DNAH17: variants seen among roughly 807,000 people sequenced by gnomAD.
DNAH17 encodes the protein axonemal beta dynein heavy chain 17.
A neutral mutation model predicts 485.6 loss-of-function variants in DNAH17; 376 were observed. The observed-to-expected ratio is 0.77, with a 90% confidence interval of 0.71 to 0.84. The LOEUF is 0.84. Ranked by LOEUF, DNAH17 falls within the 40% of genes least tolerant of loss-of-function variation. The probability of loss-of-function intolerance (pLI) is 0.00; values close to 1 mark genes in which losing one functional copy is unlikely to be tolerated. For missense variants in DNAH17, 6,370 were observed against 5,839.3 expected, an observed-to-expected ratio of 1.09 and a Z score of -2.96; for synonymous variants, 3,031 against 2,405.9, an observed-to-expected ratio of 1.26 and a Z score of -7.60.
chr17:78,518,375 T>C (rs2090844421), intron 25 of DNAH17, among the ~76,000 whole-genome samples: 3 of 152,038 alleles, frequency 2.0e-5, no homozygotes, highest in Admixed American at 2.0e-4. Context: ...AAGCCAACCT[T>C]AGAGCAAAGA....
At chr17:78,451,329 T>C in intron 66 of DNAH17, 140 bp downstream of exon 66, 1 of 697,290 alleles carries the variant, frequency 1.4e-6, no homozygotes, top group Non-Finnish European at 2.4e-6. Context: ...TGTGATGCCG[T>C]GGGACACACT....
chr17:78,431,493 C>T (rs1483832643), intron 75 of DNAH17, among the ~76,000 whole-genome samples: 1 of 151,198 alleles, frequency 6.6e-6, no homozygotes, highest in Non-Finnish European at 1.5e-5. Context: ...TCTCAGGCCC[C>T]TCCCTGGGAG....
chr17:78,437,143 G>A (rs1014987391), intron 74 of DNAH17, among the ~76,000 whole-genome samples: 1 of 152,180 alleles, frequency 6.6e-6, no homozygotes, highest in Non-Finnish European at 1.5e-5. Flanking sequence ...GTGGGTCAGA[G>A]GGGGGCTGAA....
At chr17:78,478,301 TCAC>T (rs1046750661) in intron 51 of DNAH17, among the ~76,000 whole-genome samples, 31 of 108,644 alleles carry the variant, frequency 2.9e-4, no homozygotes, top group South Asian at 1.9e-3. Flanking sequence ...TCCACCACCA[TCAC>T]CACAATCACA....
intron 22 of DNAH17, 37 bp from the exon 23 acceptor site, chr17:78,527,033 A>G (rs2091097439): frequency 6.7e-7 from 1 of 1,484,752 alleles, no homozygotes; most frequent in Non-Finnish European, 9.1e-7. Flanking sequence ...CTCCTTTCTC[A>G]TTTCTTTTCT....
At position 78,501,188 on chromosome 17, in the gene DNAH17, C is replaced by G; in HGVS notation, c.5479G>C (p.Asp1827His). ...TTACTCAGGGACGGGCCTCACCTGT[C>G]AGTGAGTGGGGTGATGACCAGCCGC... ...TPRLVITPLT[D>H]RCYITLTQSL... The change falls in exon 35 of 81, where the codon GAC (aspartate) becomes CAC (histidine). Residue 1827 changes from aspartate (D) to histidine (H), a missense_variant. Transcript: ENST00000389840. 6.3e-7 allele frequency: 1 copy of G among 1,577,458 alleles called. No homozygotes were observed. The highest frequency in any genetic ancestry group is 8.7e-7 in the Non-Finnish European group (1 of 1,153,456).
At chr17:78,528,143 T>G (rs2091127509) in intron 22 of DNAH17, among the ~76,000 whole-genome samples, 1 of 152,180 alleles carries the variant, frequency 6.6e-6, no homozygotes, top group South Asian at 2.1e-4. Context: ...TGGAGACTTC[T>G]CTAGTTCTTC....
At chr17:78,465,290 C>T (rs1264230420) in intron 56 of DNAH17, among the ~76,000 whole-genome samples, 5 of 151,452 alleles carry the variant, frequency 3.3e-5, no homozygotes, top group South Asian at 2.1e-4. Context: ...CAACCTCCAC[C>T]TCCCAGCTGC....
chr17:78,464,020 G>T (rs900110776), intron 56 of DNAH17, among the ~76,000 whole-genome samples: 4 of 152,160 alleles, frequency 2.6e-5, no homozygotes, highest in Admixed American at 2.0e-4. Flanking sequence ...TGCTCTAATG[G>T]CAAGTAGGCT....
intron 26 of DNAH17, 72 bp downstream of exon 26, chr17:78,514,702 T>A: frequency 5.8e-6 from 9 of 1,548,908 alleles, no homozygotes; most frequent in Non-Finnish European, 7.0e-6. Context: ...GCTAGGCAGC[T>A]CAGGCCAGCC....
intron 69 of DNAH17, among the ~76,000 whole-genome samples, chr17:78,446,131 G>A (rs1020591235): frequency 8.1e-6 from 1 of 123,838 alleles, no homozygotes; most frequent in South Asian, 2.7e-4. Context: ...CCGAGATTAC[G>A]CCACTGCGCT....
intron 56 of DNAH17, among the ~76,000 whole-genome samples, chr17:78,463,282 C>T (rs910175438): frequency 5.9e-5 from 9 of 152,190 alleles, no homozygotes; most frequent in South Asian, 2.1e-4. Flanking sequence ...TTTAGCTCAG[C>T]GCACAGGACA....
intron 13 of DNAH17, among the ~76,000 whole-genome samples, chr17:78,560,007 T>A (rs979633947): frequency 1.3e-5 from 2 of 152,150 alleles, no homozygotes; most frequent in Non-Finnish European, 2.9e-5. Flanking sequence ...TCTATTGATC[T>A]TCTTAACCTG....
chr17:78,454,338 A>G (rs1395201241), intron 64 of DNAH17, 132 bp downstream of exon 64: 2 of 673,778 alleles, frequency 3.0e-6, no homozygotes, highest in African/African-American at 3.6e-5. Context: ...GCTGTTCCCC[A>G]GGCCAGATTT....
At chr17:78,446,293 T>G (rs1478155413) in intron 69 of DNAH17, among the ~76,000 whole-genome samples, 1 of 151,610 alleles carries the variant, frequency 6.6e-6, no homozygotes, top group African/African-American at 2.4e-5. Context: ...GTTCCAGGAC[T>G]TTTTTGTTAC....
chr17:78,554,890 G>A (rs1268020243), intron 14 of DNAH17, among the ~76,000 whole-genome samples: 1 of 152,164 alleles, frequency 6.6e-6, no homozygotes, highest in Non-Finnish European at 1.5e-5. Flanking sequence ...GGAACTACAG[G>A]CGCCCACCAC....
intron 14 of DNAH17, among the ~76,000 whole-genome samples, chr17:78,557,583 G>A (rs1598723750): frequency 7.2e-6 from 1 of 138,602 alleles, no homozygotes; most frequent in South Asian, 2.5e-4. Context: ...AGGTTACAGT[G>A]AGCCTAGATT....
chr17:78,551,591 G>A lies in DNAH17; in HGVS notation c.2335C>T (p.Gln779Ter), dbSNP rs1178428717. 1 of 1,613,854 alleles carries A rather than the reference G, an allele frequency of 6.2e-7. No individual in the cohort carries two copies. The highest frequency in any genetic ancestry group is 1.7e-5 in the Admixed American group (1 of 59,996). ...TGTTTTGCCTTTTGCATCCTGTTCT[G>A]CAAGTTGTGCAGAATTTCTCGCACC... ...QEVREILHNL[Q>*]NRMQKAKQNI... is the part of the protein sequence containing the mutation. Residue 779 changes from glutamine (Q) to a stop codon, truncating the protein, a stop_gained, in exon 16 of 81, where the codon CAG becomes TAG. Coordinates refer to ENST00000389840, the MANE Select transcript of DNAH17 (RefSeq NM_173628.4). LOFTEE classifies it high-confidence loss of function.
rs626439 is a variant in DNAH17 at position 78,507,542 on chromosome 17, C to T, written c.4500G>A (p.Glu1500=). The T allele has an allele frequency of 0.25, 407,756 of 1,613,666 alleles. 55,734 individuals carry two copies. Among genetic ancestry groups the T allele is most frequent in the East Asian group, 0.47 (20,889 of 44,866 alleles). The part of the protein sequence containing the change: ...FEVQRTWSHL[E]SIFIGSEDIR... ...TGTCTTCGGAGCCGATGAAGATGCT[C>T]TCCAGGTGGCTCCAGGTTCGCTGGA... The change falls in exon 28 of 81, where the codon GAG becomes GAA. Residue 1500 remains glutamate, a synonymous_variant. Transcript: ENST00000389840.
Sources: allele counts gnomAD v4.1 joint callset (sites outside exome capture counted in the v4.1 genomes callset), GRCh38; gene constraint gnomAD v4.1.1; transcripts MANE v1.5; gene names NCBI Gene and HGNC (gene_info 2026-07-23, HGNC 2026-07-21).